RHOQ: variants seen among roughly 807,000 people sequenced by gnomAD.
RHOQ encodes the protein ras homolog family member Q, also known as rho-related GTP-binding protein RhoQ.
In RHOQ, 7 loss-of-function variants were observed where a neutral mutation model predicts 25.8. The observed-to-expected ratio is 0.27, with a 90% CI of 0.15 to 0.51. The LOEUF (loss-of-function observed/expected upper bound fraction) is 0.51. Ranked by LOEUF, RHOQ falls within the 20% of genes least tolerant of loss-of-function variation. RHOQ has a pLI of 0.97. For synonymous variants in RHOQ, 97 were observed against 98.6 expected, an observed-to-expected ratio of 0.98 and a Z score of 0.10; for missense variants, 165 against 260.6, an observed-to-expected ratio of 0.63 and a Z score of 2.53.
chr2:46,576,346 A>T lies in RHOQ; in HGVS notation c.366+95A>T, dbSNP rs1353830904. 8.8e-7 allele frequency: 1 copy of T among 1,130,548 alleles called. No homozygotes were observed. Among genetic ancestry groups the T allele is most frequent in the African/African-American group, 1.6e-5 (1 of 63,878 alleles). 70.0% of individuals were successfully genotyped at this position (1,130,548 alleles called of 1,614,324 possible). A position where few individuals can be genotyped will look rare whatever the true frequency, so the allele number is the denominator to read the frequency against. On this transcript the variant is annotated intron_variant, in intron 3 of 4. Coordinates refer to ENST00000238738, the MANE Select transcript of RHOQ (RefSeq NM_012249.4). This position sits in a 1 kb window ranked among gnomAD's most constrained non-coding sequence, Gnocchi z 5.1. ...AAACAGTCCCAAAGCTGAGCAAATG[A>T]TGTAAGTGTTTAATCTCAGCTGCAA...
rs1473303355 is a variant in RHOQ, at chr2:46,561,140, G to A, written c.202-14947G>A. Among the ~76,000 whole-genome samples, 6 of 150,778 alleles carry A rather than the reference G, an allele frequency of 4.0e-5. No homozygotes were observed. The South Asian group carries it at 1.0e-3, about 26-fold the overall frequency. ...CACGTTTATATGTCTGTGTGTGTGT[G>A]TATATATATATACACCTTTGATATA... On this transcript the variant is annotated intron_variant, in intron 2 of 4. Transcript: ENST00000238738.
rs773082737 is a variant in RHOQ at position 46,581,108 on chromosome 2, A to G, written c.*25A>G. The G allele has an allele frequency of 7.0e-5, 99 of 1,404,822 alleles. No homozygotes were observed. Among genetic ancestry groups the G allele is most frequent in the Non-Finnish European group, 9.3e-5 (97 of 1,039,154 alleles). 87.0% of individuals were successfully genotyped at this position (1,404,822 alleles called of 1,614,324 possible). ...AGAAACATCTTCAGTGGCCAAGGAA[A>G]CTGTCCATTTCTCTCAGAAAGCAAA... On this transcript the variant is annotated 3_prime_UTR_variant, in exon 5 of 5. Coordinates refer to ENST00000238738, the MANE Select transcript of RHOQ (RefSeq NM_012249.4).
At position 46,566,016 on chromosome 2, in the gene RHOQ, AG is replaced by A; in HGVS notation, c.202-10069del. 6.6e-6 allele frequency among the ~76,000 whole-genome samples: 1 copy of A among 152,336 alleles called. No individual in the cohort carries two copies. The highest frequency in any genetic ancestry group is 1.5e-5 in the Non-Finnish European group (1 of 68,028). On this transcript the variant is annotated intron_variant, in intron 2 of 4. Transcript: ENST00000238738. The surrounding 1 kb of genome is among the most constrained non-coding windows in gnomAD (Gnocchi z 4.2). ...GCCTGGAAGATGAGTAGGAGCTCCC[AG>A]GTGAAGAAATACGGAGAGAGAGAAG...
chr2:46,565,142 G>A (rs1668692424), intron 2 of RHOQ, among the ~76,000 whole-genome samples: 1 of 152,208 alleles, frequency 6.6e-6, no homozygotes, highest in South Asian at 2.1e-4. Flanking sequence ...GGACAACCCA[G>A]ATCATGTGCC....
intron 2 of RHOQ, among the ~76,000 whole-genome samples, chr2:46,561,713 T>A (rs1668584892): frequency 6.6e-6 from 1 of 152,176 alleles, no homozygotes; most frequent in African/African-American, 2.4e-5. Flanking sequence ...GGCTCTTGTA[T>A]TCATCTGTGC....
Position 46,548,945 on chromosome 2 carries a change from T to C in RHOQ, c.201+5133T>C, listed in dbSNP as rs916951859. ...TGCCCTGTGTTCCCCTCCTTGGGACTCTGATGTGGGTTTGGGTTATGCCAG... is the reference window on the plus strand; with the variant it reads ...TGCCCTGTGTTCCCCTCCTTGGGACCCTGATGTGGGTTTGGGTTATGCCAG... On this transcript the variant is annotated intron_variant, in intron 2 of 4. Coordinates refer to ENST00000238738, the MANE Select transcript of RHOQ (RefSeq NM_012249.4). The surrounding 1 kb of genome is among the most constrained non-coding windows in gnomAD (Gnocchi z 5.2). Among the ~76,000 whole-genome samples the C allele has an allele frequency of 1.3e-5, 2 of 152,138 alleles. No homozygotes were observed. The highest frequency in any genetic ancestry group is 6.5e-5 in the Admixed American group (1 of 15,272).
At position 46,581,291 on chromosome 2, in the gene RHOQ, A is replaced by G. The variant is rs1572761970; in HGVS notation, c.*208A>G. 2.0e-6 allele frequency: 2 copies of G among 990,172 alleles called. No individual in the cohort carries two copies. The highest frequency in any genetic ancestry group is 2.9e-6 in the Non-Finnish European group (2 of 681,956). 61.3% of individuals were successfully genotyped at this position (990,172 alleles called of 1,614,324 possible). On this transcript the variant is annotated 3_prime_UTR_variant, in exon 5 of 5. Coordinates refer to ENST00000238738, the MANE Select transcript of RHOQ (RefSeq NM_012249.4). Reference sequence around the variant, plus strand: ...GCAGCATCTGAAGCCACAATCTATTATAAATACTTTATTTCAACTAGAAGG... The same window carrying G: ...GCAGCATCTGAAGCCACAATCTATTGTAAATACTTTATTTCAACTAGAAGG...
intron 2 of RHOQ, among the ~76,000 whole-genome samples, chr2:46,572,107 GTT>G (rs746265771): frequency 1.0e-3 from 67 of 66,254 alleles, no homozygotes; most frequent in Non-Finnish European, 1.3e-4. Context: ...GTAAGTGTGT[GTT>G]TTTTTTTTTT....
In RHOQ at chr2:46,566,425, C is replaced by T. The variant is rs1348588553; in HGVS notation, c.202-9662C>T. On this transcript the variant is annotated intron_variant, in intron 2 of 4. Coordinates refer to ENST00000238738, the MANE Select transcript of RHOQ (RefSeq NM_012249.4). This position sits in a 1 kb window ranked among gnomAD's most constrained non-coding sequence, Gnocchi z 4.2. Reference sequence around the variant, plus strand: ...GTTTTCTTCATCCCTCTAAAAGATGCCATATCATCTAGATATATCCAGAAT... The same window carrying T: ...GTTTTCTTCATCCCTCTAAAAGATGTCATATCATCTAGATATATCCAGAAT... 3.3e-5 allele frequency among the ~76,000 whole-genome samples: 5 copies of T among 152,032 alleles called. No homozygotes were observed. The highest frequency in any genetic ancestry group is 1.2e-4 in the African/African-American group (5 of 41,390).
chr2:46,579,843 C>CAAA (rs34843228), intron 4 of RHOQ, among the ~76,000 whole-genome samples: 90 of 135,696 alleles, frequency 6.6e-4, no homozygotes, highest in African/African-American at 1.6e-3. Flanking sequence ...GAAACTGTCT[C>CAAA]AAAAAAAAAA....
In RHOQ at chr2:46,578,844, A is replaced by G. The variant is rs1014551346; in HGVS notation, c.463-2084A>G. ...TTAAATGTTCTCACCACACAAAATGATAAGTATTTAAGGTGATAGATGTTA... is the reference window on the plus strand; with the variant it reads ...TTAAATGTTCTCACCACACAAAATGGTAAGTATTTAAGGTGATAGATGTTA... On this transcript the variant is annotated intron_variant, in intron 4 of 4. Coordinates refer to ENST00000238738, the MANE Select transcript of RHOQ (RefSeq NM_012249.4). Among the ~76,000 whole-genome samples the G allele has an allele frequency of 3.3e-4, 50 of 152,076 alleles. 1 individual carries two copies. Among genetic ancestry groups the G allele is most frequent in the Middle Eastern group, 3.2e-3 (1 of 316 alleles).
Position 46,555,316 on chromosome 2 carries a change from T to G in RHOQ, c.201+11504T>G, listed in dbSNP as rs963012153. Among the ~76,000 whole-genome samples the G allele has an allele frequency of 1.3e-5, 2 of 152,236 alleles. No homozygotes were observed. The highest frequency in any genetic ancestry group is 2.1e-4 in the South Asian group (1 of 4,834). ...TTCATGTGTAAATCTTTGCTCCCCA[T>G]GCAGATTGTAAACTCTTCCCCTTGC... is the stretch of plus-strand genomic sequence containing the variant. On this transcript the variant is annotated intron_variant, in intron 2 of 4. Transcript: ENST00000238738. This position sits in a 1 kb window ranked among gnomAD's most constrained non-coding sequence, Gnocchi z 4.3.
Position 46,581,543 on chromosome 2 carries a change from C to G in RHOQ, c.*460C>G. ...ATCCAGAGTGGTGAAATAACAAGGCCAGCCACGTAGCCAAAGGTCGCTCCA... is the reference window on the plus strand; with the variant it reads ...ATCCAGAGTGGTGAAATAACAAGGCGAGCCACGTAGCCAAAGGTCGCTCCA... On this transcript the variant is annotated 3_prime_UTR_variant, in exon 5 of 5. Coordinates refer to ENST00000238738, the MANE Select transcript of RHOQ (RefSeq NM_012249.4). 6.2e-7 allele frequency: 1 copy of G among 1,611,594 alleles called. No homozygotes were observed. Among genetic ancestry groups the G allele is most frequent in the Non-Finnish European group, 8.5e-7 (1 of 1,179,582 alleles).
intron 4 of RHOQ, chr2:46,580,087 G>A (rs1285663944): frequency 2.0e-5 from 3 of 152,388 alleles, no homozygotes; most frequent in Admixed American, 2.0e-4. Context: ...ACAGCAGCCA[G>A]AGTAAGTCTT....
At chr2:46,543,414 G>C in intron 1 of RHOQ, 1 of 581,558 alleles carries the variant, frequency 1.7e-6, no homozygotes, top group Non-Finnish European at 3.0e-6. Context: ...CCTGCTCCCC[G>C]CACTTCCTAC....
intron 2 of RHOQ, among the ~76,000 whole-genome samples, chr2:46,553,234 G>A (rs1668295392): frequency 6.6e-6 from 1 of 151,310 alleles, no homozygotes; most frequent in Admixed American, 6.6e-5. Flanking sequence ...TCCACCCCCT[G>A]CCCCCTCCCT....
chr2:46,572,225 C>T (rs1668956001), intron 2 of RHOQ, among the ~76,000 whole-genome samples: 1 of 149,804 alleles, frequency 6.7e-6, no homozygotes. Context: ...ACCTGAGCCT[C>T]CTGAGTAGCT....
intron 2 of RHOQ, among the ~76,000 whole-genome samples, chr2:46,567,077 C>T (rs1394431230): frequency 6.6e-6 from 1 of 152,142 alleles, no homozygotes; most frequent in African/African-American, 2.4e-5. Context: ...TATAACCTCC[C>T]TATACATGTA....
rs1465559719 is a variant in RHOQ, at chr2:46,583,385, A to G, written c.*2302A>G. Reference sequence around the variant, plus strand: ...TTATCACAGTAATTTTCTTATTCACAGTAATCATTGTTGGATGTTACCTTT... The same window carrying G: ...TTATCACAGTAATTTTCTTATTCACGGTAATCATTGTTGGATGTTACCTTT... On this transcript the variant is annotated 3_prime_UTR_variant, in exon 5 of 5. Transcript: ENST00000238738. 6.6e-6 allele frequency among the ~76,000 whole-genome samples: 1 copy of G among 152,148 alleles called. No individual in the cohort carries two copies. The highest frequency in any genetic ancestry group is 1.5e-5 in the Non-Finnish European group (1 of 67,982).
Sources: allele counts gnomAD v4.1 joint callset (sites outside exome capture counted in the v4.1 genomes callset), GRCh38; gene constraint gnomAD v4.1.1; non-coding constraint Gnocchi (gnomAD v3.1); transcripts MANE v1.5; gene names NCBI Gene and HGNC (gene_info 2026-07-23, HGNC 2026-07-21).